The following DPH5 variants were observed in gnomAD, a reference collection of about 807,000 sequenced individuals.
DPH5 encodes the protein diphthamide biosynthesis 5.
A neutral mutation model predicts 31.6 loss-of-function variants in DPH5; 31 were observed. The observed-to-expected ratio is 0.98, with a 90% CI of 0.74 to 1.32. The LOEUF (loss-of-function observed/expected upper bound fraction) is 1.32. Ranked by LOEUF, DPH5 falls within the 40% of genes most tolerant of loss-of-function variation. DPH5 has a pLI of 0.00. For missense variants in DPH5, 309 were observed against 335.7 expected (o/e 0.92, Z 0.62); for synonymous variants, 120 against 115.0 (o/e 1.04, Z -0.28).
At chr1:100,994,456 A>C (rs977018296) in intron 6 of DPH5, among the ~76,000 whole-genome samples, 4 of 152,134 alleles carry the variant, frequency 2.6e-5, no homozygotes, top group African/African-American at 9.7e-5. Flanking sequence ...ATCATTATAC[A>C]TCTGAAGAAA....
rs1224136749 is a variant in DPH5 at position 100,994,463 on chromosome 1, G to GA, written c.530+646dup. 5.9e-5 allele frequency among the ~76,000 whole-genome samples: 9 copies of GA among 151,584 alleles called. No individual in the cohort carries two copies. The East Asian group carries it at 1.4e-3, about 23-fold the overall frequency. ...TTAGTACTATCATTATACATCTGAA[G>GA]AAAATAAGGCTCAGAGATGGAAGTA... On this transcript the variant is annotated intron_variant, in intron 6 of 7. Coordinates refer to ENST00000370109, the MANE Select transcript of DPH5 (RefSeq NM_015958.3).
At chr1:101,022,400 CA>C (rs1237982772) in intron 2 of DPH5, among the ~76,000 whole-genome samples, 1 of 152,246 alleles carries the variant, frequency 6.6e-6, no homozygotes, top group Non-Finnish European at 1.5e-5. Context: ...AGTTTGCAAA[CA>C]AACTGCTTTG....
At position 101,013,807 on chromosome 1, in the gene DPH5, T is replaced by C; in HGVS notation, c.272A>G (p.His91Arg). Residue 91 changes from histidine to arginine, a missense_variant, in exon 4 of 8, where the codon CAC becomes CGC. Transcript: ENST00000370109. ...TGTTGCTCTTAGAACAAGATCACTG[T>C]GTGTTGTGGCCCTGTAGTGAGAAAA... is the stretch of plus-strand genomic sequence containing the variant. ...VVGDPFGATT[H>R]SDLVLRATKL... 1 of 1,612,286 alleles carries C rather than the reference T, an allele frequency of 6.2e-7. No homozygotes were observed. Among genetic ancestry groups the C allele is most frequent in the Non-Finnish European group, 8.5e-7 (1 of 1,179,278 alleles).
At chr1:101,020,452 G>C (rs1258284221) in intron 3 of DPH5, among the ~76,000 whole-genome samples, 1 of 151,856 alleles carries the variant, frequency 6.6e-6, no homozygotes, top group Admixed American at 6.6e-5. Context: ...CCAGGTACAC[G>C]ATGAAATTCC....
intron 3 of DPH5, among the ~76,000 whole-genome samples, chr1:101,015,905 C>T (rs1004669134): frequency 2.1e-4 from 32 of 152,158 alleles, no homozygotes; most frequent in African/African-American, 7.7e-4. Context: ...GAAGAGAGTT[C>T]GAGCCTTGCC....
At chr1:100,995,572 G>T in intron 5 of DPH5, 1 of 157,616 alleles carries the variant, frequency 6.3e-6, no homozygotes, top group South Asian at 1.9e-4. Flanking sequence ...GCTTTCTGAC[G>T]AATGTTAACA....
chr1:101,015,905 C>A (rs1004669134), intron 3 of DPH5, among the ~76,000 whole-genome samples: 7 of 152,158 alleles, frequency 4.6e-5, no homozygotes, highest in South Asian at 2.1e-4. Context: ...GAAGAGAGTT[C>A]GAGCCTTGCC....
intron 6 of DPH5, among the ~76,000 whole-genome samples, chr1:100,993,565 T>TAA (rs1658015461): frequency 1.5e-5 from 1 of 68,740 alleles, no homozygotes; most frequent in Admixed American, 1.4e-4. Context: ...TATAAATATA[T>TAA]ATATATATAT....
Position 100,990,423 on chromosome 1 carries a change from G to C in DPH5, c.843C>G (p.Ser281Arg). The C allele has an allele frequency of 1.2e-6, 2 of 1,613,596 alleles. No individual in the cohort carries two copies. Among genetic ancestry groups the C allele is most frequent in the Non-Finnish European group, 1.7e-6 (2 of 1,179,564 alleles). Residue 281 changes from serine (S) to arginine (R), a missense_variant, in exon 8 of 8, where the codon AGC becomes AGG. By Grantham distance (110) the Ser-to-Arg change is moderately radical. Transcript: ENST00000370109. ...ATATCTATGTTCAAAGTCCATTGAT[G>C]CTTTGAGATTCTGAGCTATTTTCTG... ...SIPENSSESQ[S>R]INGL
intron 4 of DPH5, among the ~76,000 whole-genome samples, chr1:101,010,784 T>C (rs1659569692): frequency 6.6e-6 from 1 of 152,130 alleles, no homozygotes; most frequent in South Asian, 2.1e-4. Context: ...AACAAGTGTA[T>C]ACTGGGAATT....
intron 4 of DPH5, among the ~76,000 whole-genome samples, chr1:101,006,408 C>A (rs1230124006): frequency 6.6e-6 from 1 of 151,586 alleles, no homozygotes; most frequent in Non-Finnish European, 1.5e-5. Context: ...TGATTAGAAC[C>A]AGTAATAAGT....
At chr1:101,014,299 T>C (rs74106948) in intron 3 of DPH5, among the ~76,000 whole-genome samples, 1,784 of 152,310 alleles carry the variant, frequency 0.012, 30 homozygotes, top group African/African-American at 0.041. Flanking sequence ...ACGTATACCA[T>C]GAAGATATTG....
At chr1:101,025,236 T>C in intron 2 of DPH5, 73 bp downstream of exon 2, 4 of 1,569,162 alleles carry the variant, frequency 2.5e-6, no homozygotes, top group Non-Finnish European at 3.5e-6. Flanking sequence ...GAAAATTCTG[T>C]TCAGCTTAGT....
chr1:100,990,309 G>A lies in DPH5; in HGVS notation c.*99C>T, dbSNP rs755980390. 4.6e-6 allele frequency: 5 copies of A among 1,098,690 alleles called. No individual in the cohort carries two copies. The highest frequency in any genetic ancestry group is 3.1e-5 in the African/African-American group (2 of 64,678). The allele number at this position is 1,098,690 out of a possible 1,614,324, so 68.1% of individuals were successfully genotyped here. A position where few individuals can be genotyped will look rare whatever the true frequency, so the allele number is the denominator to read the frequency against. The stretch of plus-strand genomic sequence containing the variant: ...CTACCACAACACCTGGGAATTATGA[G>A]GATTAAAATTCAAGATGAGACTTGG... On this transcript the variant is annotated 3_prime_UTR_variant, in exon 8 of 8. Coordinates refer to ENST00000370109, the MANE Select transcript of DPH5 (RefSeq NM_015958.3).
At chr1:100,999,229 C>T (rs910432092) in intron 5 of DPH5, among the ~76,000 whole-genome samples, 10 of 152,068 alleles carry the variant, frequency 6.6e-5, no homozygotes, top group Admixed American at 4.6e-4. Context: ...GTAGGTGGAT[C>T]GCTGGAGCCC....
chr1:100,999,939 TG>T (rs1658722931), intron 5 of DPH5, among the ~76,000 whole-genome samples: 1 of 151,956 alleles, frequency 6.6e-6, no homozygotes, highest in Non-Finnish European at 1.5e-5. Flanking sequence ...GGTCAGGAGA[TG>T]GAGACCACCC....
intron 5 of DPH5, among the ~76,000 whole-genome samples, chr1:101,001,062 A>G (rs1243332262): frequency 5.3e-5 from 8 of 152,204 alleles, no homozygotes; most frequent in South Asian, 2.1e-4. Context: ...TTTCAGATCT[A>G]TCATTGTGAA....
intron 5 of DPH5, 54 bp from the exon 6 acceptor site, chr1:100,995,203 C>G (rs1658237455): frequency 7.7e-7 from 1 of 1,303,178 alleles, no homozygotes; most frequent in Non-Finnish European, 1.1e-6. Flanking sequence ...TATCCAAAAC[C>G]CTATGTGTAA....
chr1:100,993,598 A>ATATATG (rs71084858), intron 6 of DPH5, among the ~76,000 whole-genome samples: 5 of 128,258 alleles, frequency 3.9e-5, no homozygotes, highest in African/African-American at 1.5e-4. Flanking sequence ...ATATATATAT[A>ATATATG]GCTATTGTGG....
Sources: gnomAD v4.1 joint callset for allele counts (sites outside exome capture counted in the v4.1 genomes callset) on GRCh38, gnomAD v4.1.1 for gene constraint, MANE v1.5 for transcripts, NCBI Gene and HGNC (gene_info 2026-07-23, HGNC 2026-07-21) for gene names.